Variants in ABTB3 observed in about 807,000 individuals in gnomAD.
The protein encoded by ABTB3 is ankyrin repeat and BTB domain containing 3.
the ABTB3 span, chr12:107,620,190 G>A: frequency 1.3e-4 from 204 of 1,610,508 alleles, 1 homozygote; most frequent in African/African-American, 2.4e-3. Context: ...GGTTGTTGTG[G>A]TCATCGGCAG....
chr12:107,319,649 C>T, the ABTB3 span: 5 of 1,537,086 alleles, frequency 3.3e-6, no homozygotes, highest in African/African-American at 6.8e-5. Context: ...CGCCATCTAC[C>T]TGACAGCCTG....
the ABTB3 span, chr12:107,615,219 C>G: frequency 3.6e-5 from 49 of 1,354,368 alleles, no homozygotes; most frequent in African/African-American, 6.3e-4. Flanking sequence ...TTCCATAACA[C>G]ACATCTATAC....
At chr12:107,574,681 C>T in the ABTB3 span, among the ~76,000 whole-genome samples, 13 of 152,064 alleles carry the variant, frequency 8.5e-5, no homozygotes, top group Admixed American at 3.3e-4. Context: ...AAGATCACTG[C>T]GCAACAGAGC....
chr12:107,478,185 CATTTA>C, the ABTB3 span, among the ~76,000 whole-genome samples: 3 of 152,172 alleles, frequency 2.0e-5, no homozygotes, highest in Non-Finnish European at 2.9e-5. Flanking sequence ...TGTGTCAGTC[CATTTA>C]GCACAGGGAT....
At chr12:107,572,540 A>C in the ABTB3 span, among the ~76,000 whole-genome samples, 11 of 152,144 alleles carry the variant, frequency 7.2e-5, no homozygotes, top group Non-Finnish European at 1.5e-4. Flanking sequence ...AACTAGATGG[A>C]GCATCCAGGC....
the ABTB3 span, among the ~76,000 whole-genome samples, chr12:107,332,242 A>G: frequency 6.6e-6 from 1 of 152,198 alleles, no homozygotes; most frequent in South Asian, 2.1e-4. Flanking sequence ...TGGTGTTGAT[A>G]GAGTTGGACT....
the ABTB3 span, among the ~76,000 whole-genome samples, chr12:107,458,849 A>G: frequency 1.3e-5 from 2 of 152,122 alleles, no homozygotes; most frequent in Non-Finnish European, 2.9e-5. Context: ...ACTCTGGGGA[A>G]TGAGGCCCTT....
At chr12:107,559,493 G>A in the ABTB3 span, among the ~76,000 whole-genome samples, 1 of 152,188 alleles carries the variant, frequency 6.6e-6, no homozygotes, top group African/African-American at 2.4e-5. Context: ...GGAGCAGAGG[G>A]GCCTGCAGAG....
At chr12:107,576,398 G>A in the ABTB3 span, among the ~76,000 whole-genome samples, 1 of 152,144 alleles carries the variant, frequency 6.6e-6, no homozygotes, top group Non-Finnish European at 1.5e-5. Context: ...CTGCTGGCAG[G>A]GTTGTCTTCC....
the ABTB3 span, among the ~76,000 whole-genome samples, chr12:107,423,069 A>C: frequency 2.0e-5 from 3 of 152,214 alleles, no homozygotes; most frequent in African/African-American, 4.8e-5. Context: ...CAGCTTGACC[A>C]AGCCTTCTTG....
chr12:107,583,245 T>A, the ABTB3 span, among the ~76,000 whole-genome samples: 1 of 152,224 alleles, frequency 6.6e-6, no homozygotes, highest in African/African-American at 2.4e-5. Context: ...CGGTCATTTT[T>A]AACTAAAGTC....
At chr12:107,502,633 T>C in the ABTB3 span, among the ~76,000 whole-genome samples, 1 of 152,052 alleles carries the variant, frequency 6.6e-6, no homozygotes, top group Non-Finnish European at 1.5e-5. Flanking sequence ...CTGTGGCCTG[T>C]TAGGAACTGA....
chr12:107,475,789 T>A, the ABTB3 span, among the ~76,000 whole-genome samples: 1 of 152,084 alleles, frequency 6.6e-6, no homozygotes, highest in South Asian at 2.1e-4. Context: ...AAGGCTGACA[T>A]GAAAGCCCTT....
the ABTB3 span, among the ~76,000 whole-genome samples, chr12:107,540,829 A>G: frequency 2.6e-5 from 4 of 152,068 alleles, no homozygotes; most frequent in African/African-American, 9.7e-5. Flanking sequence ...ACTACAAAAA[A>G]TTAAAAAAAT....
the ABTB3 span, among the ~76,000 whole-genome samples, chr12:107,413,567 G>T: frequency 1.3e-5 from 2 of 152,144 alleles, no homozygotes; most frequent in African/African-American, 4.8e-5. Flanking sequence ...GATTAACATT[G>T]TTCTGTAGAA....
the ABTB3 span, among the ~76,000 whole-genome samples, chr12:107,569,957 G>A: frequency 6.6e-6 from 1 of 152,230 alleles, no homozygotes; most frequent in Non-Finnish European, 1.5e-5. Flanking sequence ...CTTGCTTACA[G>A]AGGGAAGACT....
At chr12:107,614,613 A>G in the ABTB3 span, among the ~76,000 whole-genome samples, 1 of 152,194 alleles carries the variant, frequency 6.6e-6, no homozygotes, top group East Asian at 1.9e-4. Flanking sequence ...AGAAGGGGAC[A>G]GGCCAGAAAG....
At chr12:107,360,435 C>T in the ABTB3 span, among the ~76,000 whole-genome samples, 1 of 152,072 alleles carries the variant, frequency 6.6e-6, no homozygotes, top group East Asian at 1.9e-4. Flanking sequence ...CAGTAGGCAG[C>T]GAAGACCCCA....
chr12:107,606,523 C>A, the ABTB3 span, among the ~76,000 whole-genome samples: 17,946 of 152,064 alleles, frequency 0.12, 1,284 homozygotes, highest in African/African-American at 0.18. Flanking sequence ...CCCAGCATAC[C>A]GTAGGTGCCC....
Sources: gnomAD v4.1 joint callset for allele counts (sites outside exome capture counted in the v4.1 genomes callset) on GRCh38, gnomAD v4.1.1 for gene constraint, MANE v1.5 for transcripts, NCBI Gene and HGNC (gene_info 2026-07-23, HGNC 2026-07-21) for gene names.